ICA1: variants seen among roughly 807,000 people sequenced by gnomAD.
ICA1 encodes the protein 69 kDa islet cell autoantigen.
Under a neutral mutation model 71.0 loss-of-function variants are expected in ICA1, and 40 were observed. That is an observed-to-expected ratio of 0.56 (90% CI 0.44 to 0.73). ICA1 has a LOEUF of 0.73. Ranked by LOEUF, ICA1 falls within the 30% of genes least tolerant of loss-of-function variation. ICA1 has a pLI of 0.00. For missense variants in ICA1, 578 were observed against 576.5 expected (o/e 1.00, Z -0.03); for synonymous variants, 207 against 209.5 (o/e 0.99, Z 0.10).
Position 8,255,779 on chromosome 7 carries a change from CTT to C in ICA1, c.-80+6313_-80+6314del, listed in dbSNP as rs573673718. On this transcript the variant is annotated intron_variant, in intron 1 of 13. Transcript: ENST00000402384. ...TAAGTTGAAAACCTCACTTCTTTCT[CTT>C]TTTTTTTTTTTTTGGCAGGGTCTTG... is the stretch of plus-strand genomic sequence containing the variant. Among the ~76,000 whole-genome samples, 188 of 132,884 alleles carry C rather than the reference CTT, an allele frequency of 1.4e-3. 2 individuals carry two copies. The highest frequency in any genetic ancestry group is 5.4e-3 in the African/African-American group (176 of 32,890). 87.2% of individuals were successfully genotyped at this position (132,884 alleles called of 152,430 possible). A position where few individuals can be genotyped will look rare whatever the true frequency, so the allele number is the denominator to read the frequency against.
intron 13 of ICA1, among the ~76,000 whole-genome samples, chr7:8,118,677 A>T (rs555673553): frequency 6.6e-6 from 1 of 152,322 alleles, no homozygotes; most frequent in South Asian, 2.1e-4. Context: ...AATAATGCTG[A>T]TCATAGAAAA....
intron 1 of ICA1, among the ~76,000 whole-genome samples, chr7:8,257,444 TTG>T (rs898084939): frequency 6.6e-6 from 1 of 152,196 alleles, no homozygotes; most frequent in Non-Finnish European, 1.5e-5. Flanking sequence ...TCTTGGAACA[TTG>T]TTGCAATACT....
chr7:8,128,925 T>G (rs139663145), intron 12 of ICA1, among the ~76,000 whole-genome samples: 2 of 152,266 alleles, frequency 1.3e-5, no homozygotes, highest in African/African-American at 4.8e-5. Flanking sequence ...TGAGCCTCTG[T>G]TTGCTCATCC....
rs1779524083 is a variant in ICA1 at position 8,173,506 on chromosome 7, CA to C, written c.580-14855del. On this transcript the variant is annotated intron_variant, in intron 6 of 13. Coordinates refer to ENST00000402384, the MANE Select transcript of ICA1 (RefSeq NM_001136020.3). This position sits in a 1 kb window ranked among gnomAD's most constrained non-coding sequence, Gnocchi z 4.0. ...TGTAGAGAATGCTAATGAACCAATT[CA>C]ATATTTTGACAAAGAAAAAGAAACA... Among the ~76,000 whole-genome samples, 1 of 152,140 alleles carries C rather than the reference CA, an allele frequency of 6.6e-6. No individual in the cohort carries two copies. The highest frequency in any genetic ancestry group is 1.5e-5 in the Non-Finnish European group (1 of 68,014).
At chr7:8,172,913 C>G (rs913227890) in intron 6 of ICA1, among the ~76,000 whole-genome samples, 10 of 152,190 alleles carry the variant, frequency 6.6e-5, no homozygotes, top group Non-Finnish European at 1.0e-4. Flanking sequence ...TTAAATATAA[C>G]TAGCACACAT....
chr7:8,260,453 G>A (rs889752322), intron 1 of ICA1, among the ~76,000 whole-genome samples: 7 of 152,110 alleles, frequency 4.6e-5, no homozygotes, highest in Admixed American at 3.9e-4. Context: ...AATGATCCAC[G>A]GGTGGAGGAT....
intron 8 of ICA1, among the ~76,000 whole-genome samples, chr7:8,153,251 G>A (rs1800245853): frequency 6.6e-6 from 1 of 152,190 alleles, no homozygotes; most frequent in South Asian, 2.1e-4. Flanking sequence ...ACACTGGGAA[G>A]AGACATCTCA....
chr7:8,151,313 T>C (rs1185598867), intron 8 of ICA1, among the ~76,000 whole-genome samples: 1 of 152,192 alleles, frequency 6.6e-6, no homozygotes, highest in African/African-American at 2.4e-5. Context: ...GGAGAACCAA[T>C]GCCAGTCGCC....
intron 6 of ICA1, among the ~76,000 whole-genome samples, chr7:8,215,521 C>T (rs1023156193): frequency 6.6e-5 from 10 of 152,144 alleles, no homozygotes; most frequent in African/African-American, 2.4e-4. Context: ...TTGCTCTATC[C>T]ACAGATGACT....
chr7:8,197,139 G>C (rs1360969878), intron 6 of ICA1, among the ~76,000 whole-genome samples: 1 of 151,008 alleles, frequency 6.6e-6, no homozygotes, highest in Non-Finnish European at 1.5e-5. Context: ...GGGTAAAAAA[G>C]ACAGATGTAT....
chr7:8,253,800 CCT>C (rs951147957), intron 1 of ICA1, among the ~76,000 whole-genome samples: 2 of 152,100 alleles, frequency 1.3e-5, no homozygotes, highest in African/African-American at 4.8e-5. Context: ...GAACCAATCC[CCT>C]GTGTATACAG....
intron 6 of ICA1, among the ~76,000 whole-genome samples, chr7:8,174,282 C>T (rs539376229): frequency 1.9e-4 from 29 of 152,232 alleles, no homozygotes; most frequent in African/African-American, 7.0e-4. Context: ...TCCTCTTAAT[C>T]TGACTTAATG....
At chr7:8,139,223 C>A (rs1308503452) in intron 10 of ICA1, among the ~76,000 whole-genome samples, 176 bp from the exon 11 acceptor site, 1 of 152,136 alleles carries the variant, frequency 6.6e-6, no homozygotes, top group Non-Finnish European at 1.5e-5. Context: ...TCAGAGAATG[C>A]CAAATTAACA....
intron 1 of ICA1, among the ~76,000 whole-genome samples, chr7:8,253,968 T>C (rs951056082): frequency 6.6e-6 from 1 of 152,230 alleles, no homozygotes; most frequent in Non-Finnish European, 1.5e-5. Context: ...GAGATGCTAA[T>C]GTTTATAAGG....
At chr7:8,207,818 A>C (rs561637044) in intron 6 of ICA1, among the ~76,000 whole-genome samples, 1 of 152,338 alleles carries the variant, frequency 6.6e-6, no homozygotes, top group South Asian at 2.1e-4. Flanking sequence ...AAATCTCAGA[A>C]CTATGAATGG....
intron 6 of ICA1, among the ~76,000 whole-genome samples, chr7:8,166,658 A>G (rs1806084471): frequency 6.6e-6 from 1 of 152,216 alleles, no homozygotes; most frequent in Admixed American, 6.5e-5. Context: ...AAGTAAACTA[A>G]AGAGCTTCTG....
chr7:8,122,453 G>GT (rs1787355436), intron 13 of ICA1, among the ~76,000 whole-genome samples: 2 of 152,230 alleles, frequency 1.3e-5, no homozygotes, highest in African/African-American at 4.8e-5. Context: ...AGTTCCTTCT[G>GT]GGGACTAAAT....
At chr7:8,146,615 C>A (rs1379180214) in intron 8 of ICA1, among the ~76,000 whole-genome samples, 1 of 151,856 alleles carries the variant, frequency 6.6e-6, no homozygotes, top group African/African-American at 2.4e-5. Flanking sequence ...GAAAATGATA[C>A]AAAGGGCAGT....
At chr7:8,174,774 A>AC (rs1390483609) in intron 6 of ICA1, among the ~76,000 whole-genome samples, 3,356 of 149,518 alleles carry the variant, frequency 0.022, 146 homozygotes, top group East Asian at 0.14. Context: ...AAAAAAAAAA[A>AC]AAAAACAGAG....
Sources: gnomAD v4.1 joint callset for allele counts (sites outside exome capture counted in the v4.1 genomes callset) on GRCh38, gnomAD v4.1.1 for gene constraint, Gnocchi (gnomAD v3.1) non-coding constraint, MANE v1.5 for transcripts, NCBI Gene and HGNC (gene_info 2026-07-23, HGNC 2026-07-21) for gene names.